Variants in KCTD5 observed in about 807,000 individuals in gnomAD.
KCTD5 encodes potassium channel tetramerization domain containing 5.
KCTD5 carries 12 observed loss-of-function variants against 27.9 expected under a neutral mutation model. The observed-to-expected ratio is 0.43, with a 90% CI of 0.28 to 0.70. KCTD5 has a LOEUF of 0.70. KCTD5 is among the 30% of genes least tolerant of loss of function. KCTD5 has a pLI of 0.19. For synonymous variants in KCTD5, 147 were observed against 121.4 expected, an observed-to-expected ratio of 1.21 and a Z score of -1.39; for missense variants, 226 against 274.8, an observed-to-expected ratio of 0.82 and a Z score of 1.26.
Position 2,693,472 on chromosome 16 carries a change from G to A in KCTD5, c.253-2463G>A, listed in dbSNP as rs112383497. 3.4e-3 allele frequency among the ~76,000 whole-genome samples: 511 copies of A among 152,362 alleles called. 5 individuals carry two copies. Among genetic ancestry groups the A allele is most frequent in the African/African-American group, 0.012 (479 of 41,578 alleles). ...CCAGTGGTAGGAGTGGCCAAGACAC[G>A]GCAGCGGCCTACCCCTGCCTGCCCG... On this transcript the variant is annotated intron_variant, in intron 1 of 5. Transcript: ENST00000301738.
chr16:2,707,205 C>T, intron 5 of KCTD5, 93 bp from the exon 6 acceptor site: 16 of 1,289,712 alleles, frequency 1.2e-5, no homozygotes, highest in Admixed American at 1.1e-4. Flanking sequence ...CGAGCTAACC[C>T]CAGGCCTGTG....
rs1208757433 is a variant in KCTD5 at position 2,707,628 on chromosome 16, C to T, written c.*301C>T. The T allele has an allele frequency of 4.5e-5, 27 of 600,874 alleles. No homozygotes were observed. The highest frequency in any genetic ancestry group is 8.9e-6 in the Non-Finnish European group (3 of 337,648). The allele number at this position is 600,874 out of a possible 1,614,324, so 37.2% of individuals were successfully genotyped here. On this transcript the variant is annotated 3_prime_UTR_variant, in exon 6 of 6. Transcript: ENST00000301738. Reference sequence around the variant, plus strand: ...GAGGCAGACACTCCCAGTCAGCCCGCTCGATCCTGAAGATCGTGTGAAGGA... The same window carrying T: ...GAGGCAGACACTCCCAGTCAGCCCGTTCGATCCTGAAGATCGTGTGAAGGA...
At chr16:2,699,329 G>A (rs2067601042) in intron 3 of KCTD5, 1 of 417,760 alleles carries the variant, frequency 2.4e-6, no homozygotes, top group Non-Finnish European at 4.9e-6. Context: ...GGATTAGGAG[G>A]TGGATGGAGT....
chr16:2,700,366 C>T (rs1455684136), intron 4 of KCTD5, among the ~76,000 whole-genome samples: 2 of 152,240 alleles, frequency 1.3e-5, no homozygotes, highest in African/African-American at 2.4e-5. Flanking sequence ...GCCAGGCCCT[C>T]GTTGCCTTCT....
Position 2,707,351 on chromosome 16 carries a change from G to A in KCTD5, c.*24G>A, listed in dbSNP as rs144382514. The A allele has an allele frequency of 4.3e-5, 70 of 1,612,994 alleles. No individual in the cohort carries two copies. Among genetic ancestry groups the A allele is most frequent in the Non-Finnish European group, 5.7e-5 (67 of 1,178,902 alleles). The stretch of plus-strand genomic sequence containing the variant: ...GAGGGACACAGTATTGACAGCTGAA[G>A]AAATGATTTACGTTTTCCCGAGATG... On this transcript the variant is annotated 3_prime_UTR_variant, in exon 6 of 6. Coordinates refer to ENST00000301738, the MANE Select transcript of KCTD5 (RefSeq NM_018992.4).
At chr16:2,696,554 G>A (rs555720783) in intron 2 of KCTD5, among the ~76,000 whole-genome samples, 2 of 152,386 alleles carry the variant, frequency 1.3e-5, no homozygotes, top group African/African-American at 2.4e-5. Flanking sequence ...GCCCACACGC[G>A]TTGGGCCCAG....
intron 1 of KCTD5, among the ~76,000 whole-genome samples, chr16:2,691,753 C>T (rs534522178): frequency 1.3e-5 from 2 of 152,134 alleles, no homozygotes; most frequent in Admixed American, 6.5e-5. Context: ...TGGCTCCCAG[C>T]GAGGTTGGCA....
At chr16:2,700,037 G>A in intron 4 of KCTD5, 121 bp downstream of exon 4, 1 of 911,778 alleles carries the variant, frequency 1.1e-6, no homozygotes. Flanking sequence ...CTGCAGTTCT[G>A]GGGGTGCTCA....
At chr16:2,682,900 G>C in intron 1 of KCTD5, 100 bp downstream of exon 1, 1 of 1,393,440 alleles carries the variant, frequency 7.2e-7, no homozygotes, top group Non-Finnish European at 9.4e-7. Context: ...GCGGGAGCGG[G>C]CGACTCTCCT....
rs149239244 is a variant in KCTD5, at chr16:2,698,601, C to G, written c.453+604C>G. Reference sequence around the variant, plus strand: ...CCCTGAGAGCTGAGCCCGCCCCCCCCACCCAAGCTCAGCTCCCTTGAGAAG... The same window carrying G: ...CCCTGAGAGCTGAGCCCGCCCCCCCGACCCAAGCTCAGCTCCCTTGAGAAG... On this transcript the variant is annotated intron_variant, in intron 3 of 5. Transcript: ENST00000301738. 6.0e-4 allele frequency among the ~76,000 whole-genome samples: 91 copies of G among 152,218 alleles called. No homozygotes were observed. The East Asian group carries it at 0.015, about 25-fold the overall frequency.
chr16:2,687,362 A>G (rs1323954847), intron 1 of KCTD5, among the ~76,000 whole-genome samples: 1 of 152,214 alleles, frequency 6.6e-6, no homozygotes, highest in Non-Finnish European at 1.5e-5. Flanking sequence ...TCTCGCCTCC[A>G]GACTTCTGCG....
At chr16:2,687,025 T>A (rs1002076118) in intron 1 of KCTD5, among the ~76,000 whole-genome samples, 1 of 152,220 alleles carries the variant, frequency 6.6e-6, no homozygotes, top group Admixed American at 6.5e-5. Context: ...CGATCTTCGC[T>A]CTGACCACAA....
At chr16:2,698,030 T>C in intron 3 of KCTD5, 33 bp downstream of exon 3, 1 of 1,511,242 alleles carries the variant, frequency 6.6e-7, no homozygotes, top group Non-Finnish European at 9.2e-7. Flanking sequence ...GAAGCTTGTA[T>C]GGCTGGTGTG....
In KCTD5 at chr16:2,702,307, C is replaced by T. The variant is rs200979195; in HGVS notation, c.550-46C>T. The T allele has an allele frequency of 1.6e-5, 26 of 1,609,966 alleles. No homozygotes were observed. The Admixed American group carries it at 4.3e-4, about 27-fold the overall frequency. ...GCTGGTCATGTCAGCCTGGCTGGGT[C>T]TCTCAGGCTTCACTGGGCTGCGTCT... On this transcript the variant is annotated intron_variant, in intron 4 of 5. Transcript: ENST00000301738.
At chr16:2,700,012 G>C in intron 4 of KCTD5, 96 bp downstream of exon 4, 1 of 1,147,928 alleles carries the variant, frequency 8.7e-7, no homozygotes, top group South Asian at 1.3e-5. Flanking sequence ...TGCAGACTTT[G>C]CTGCTGGCGT....
At chr16:2,684,350 T>A (rs369894980) in intron 1 of KCTD5, 25 of 152,318 alleles carry the variant, frequency 1.6e-4, no homozygotes, top group African/African-American at 5.3e-4. Flanking sequence ...CTTAAGACTT[T>A]GTTAAAAATT....
chr16:2,693,688 C>G (rs2067577058), intron 1 of KCTD5, among the ~76,000 whole-genome samples: 1 of 152,250 alleles, frequency 6.6e-6, no homozygotes, highest in South Asian at 2.1e-4. Context: ...CAGCACGCTT[C>G]CTTCTCCTCT....
chr16:2,688,090 G>C (rs540721782), intron 1 of KCTD5, among the ~76,000 whole-genome samples: 1 of 151,666 alleles, frequency 6.6e-6, no homozygotes, highest in Non-Finnish European at 1.5e-5. Context: ...TTACTGTGAC[G>C]TCCTCTCCTG....
chr16:2,701,636 G>A (rs542929803), intron 4 of KCTD5, among the ~76,000 whole-genome samples: 11 of 148,546 alleles, frequency 7.4e-5, no homozygotes, highest in South Asian at 2.1e-4. Flanking sequence ...GTCCAACTGC[G>A]CAGGTCTTAG....
Sources: gnomAD v4.1 joint callset for allele counts (sites outside exome capture counted in the v4.1 genomes callset) on GRCh38, gnomAD v4.1.1 for gene constraint, MANE v1.5 for transcripts, NCBI Gene and HGNC (gene_info 2026-07-23, HGNC 2026-07-21) for gene names.